GNG5: variants seen among roughly 807,000 people sequenced by gnomAD.
The protein encoded by GNG5 is G protein subunit gamma 5.
A neutral mutation model predicts 6.2 loss-of-function variants in GNG5; 2 were observed. The ratio of observed to expected loss-of-function variants is 0.32; its 90% confidence interval spans 0.13 to 1.01. The LOEUF is 1.01. Among genes scored for constraint, GNG5 ranks in the 50% least tolerant of loss-of-function variants. The pLI is 0.48. For missense variants in GNG5, 57 were observed against 80.2 expected (o/e 0.71, Z 1.10); for synonymous variants, 24 against 33.0 (o/e 0.73, Z 0.93).
intron 2 of GNG5, among the ~76,000 whole-genome samples, chr1:84,504,240 TA>T (rs1438144609): frequency 1.3e-5 from 2 of 152,220 alleles, no homozygotes; most frequent in Non-Finnish European, 2.9e-5. Flanking sequence ...TACACAACGT[TA>T]AACCACATTT....
At position 84,501,947 on chromosome 1, in the gene GNG5, C is replaced by G; in HGVS notation, c.105G>C (p.Leu35Phe). Residue 35 changes from leucine (L) to phenylalanine (F), a missense_variant, in exon 3 of 4, where the codon TTG (leucine) becomes TTC (phenylalanine). By Grantham distance (22) the Leu-to-Phe change is conservative. Transcript: ENST00000370645. The part of the protein sequence containing the change: ...RVKVSQAAAD[L>F]KQFCLQNAQH... ...GAGCATTCTGCAGACAGAACTGTTTCAAGTCTGCAGCTGCCTGGGAAACCT... is the reference window on the plus strand; with the variant it reads ...GAGCATTCTGCAGACAGAACTGTTTGAAGTCTGCAGCTGCCTGGGAAACCT... 1.2e-6 allele frequency: 2 copies of G among 1,611,168 alleles called. No individual in the cohort carries two copies. Among genetic ancestry groups the G allele is most frequent in the Non-Finnish European group, 1.7e-6 (2 of 1,177,412 alleles).
intron 2 of GNG5, among the ~76,000 whole-genome samples, chr1:84,504,355 C>CT (rs147628916): frequency 0.037 from 5,578 of 152,246 alleles, 352 homozygotes; most frequent in African/African-American, 0.13. Flanking sequence ...CAAATCATGT[C>CT]TGGTGCCTTT....
chr1:84,501,739 T>C (rs890102784), intron 3 of GNG5, 87 bp downstream of exon 3: 1 of 799,680 alleles, frequency 1.3e-6, no homozygotes, highest in South Asian at 1.6e-5. Flanking sequence ...GGAAAGGGCA[T>C]GGGATGATCT....
At chr1:84,505,473 TAA>T (rs1682165748) in intron 2 of GNG5, among the ~76,000 whole-genome samples, 1 of 152,178 alleles carries the variant, frequency 6.6e-6, no homozygotes, top group African/African-American at 2.4e-5. Flanking sequence ...ATCCACAGTT[TAA>T]GTTATGCAAT....
At chr1:84,501,758 C>A (rs1682061256) in intron 3 of GNG5, 68 bp downstream of exon 3, 1 of 952,422 alleles carries the variant, frequency 1.0e-6, no homozygotes, top group African/African-American at 1.6e-5. Context: ...CTTTTAAGTG[C>A]TGCAAAGAAA....
At chr1:84,500,924 ATTAGTT>A (rs1682045516) in intron 3 of GNG5, among the ~76,000 whole-genome samples, 1 of 152,198 alleles carries the variant, frequency 6.6e-6, no homozygotes, top group Non-Finnish European at 1.5e-5. Context: ...AAAAAGTACT[ATTAGTT>A]TAAGTTTGCT....
chr1:84,501,630 A>G (rs1682059271), intron 3 of GNG5, among the ~76,000 whole-genome samples, 196 bp downstream of exon 3: 1 of 152,214 alleles, frequency 6.6e-6, no homozygotes, highest in African/African-American at 2.4e-5. Flanking sequence ...CTTTATGGTA[A>G]AATAGAAACG....
intron 3 of GNG5, among the ~76,000 whole-genome samples, chr1:84,499,308 A>T (rs1266187608): frequency 6.6e-6 from 1 of 152,226 alleles, no homozygotes; most frequent in Non-Finnish European, 1.5e-5. Context: ...AAAAATGTTT[A>T]ATCTCACCTA....
intron 3 of GNG5, among the ~76,000 whole-genome samples, chr1:84,500,679 G>A (rs1233523631): frequency 6.6e-6 from 1 of 152,064 alleles, no homozygotes. Context: ...CATGACACCT[G>A]TTTTCAAAGG....
Position 84,506,207 on chromosome 1 carries a change from G to C in GNG5, c.-116C>G, listed in dbSNP as rs946683413. ...GCGGGGCTCCGAACTTTGTCTCTAA[G>C]TTTCCGGTTCTGTGCTCAGCGGCTC... On this transcript the variant is annotated 5_prime_UTR_variant, in exon 2 of 4. Coordinates refer to ENST00000370645, the MANE Select transcript of GNG5 (RefSeq NM_005274.3). 1.3e-6 allele frequency: 1 copy of C among 770,086 alleles called. No individual in the cohort carries two copies. The highest frequency in any genetic ancestry group is 1.8e-5 in the African/African-American group (1 of 54,484). The allele number at this position is 770,086 out of a possible 1,614,324, so 47.7% of individuals were successfully genotyped here. A position where few individuals can be genotyped will look rare whatever the true frequency, so the allele number is the denominator to read the frequency against.
At chr1:84,502,107 G>A (rs1682068739) in intron 2 of GNG5, 137 bp from the exon 3 acceptor site, 1 of 426,468 alleles carries the variant, frequency 2.3e-6, no homozygotes, top group South Asian at 3.7e-5. Context: ...TATAATAATT[G>A]AAGACTTAAG....
At chr1:84,503,304 C>T (rs192694337) in intron 2 of GNG5, among the ~76,000 whole-genome samples, 32 of 152,256 alleles carry the variant, frequency 2.1e-4, no homozygotes, top group African/African-American at 7.7e-4. Context: ...GATATGTGGC[C>T]TCAGGGAATT....
chr1:84,503,722 C>T (rs1682101722), intron 2 of GNG5: 1 of 152,194 alleles, frequency 6.6e-6, no homozygotes, highest in African/African-American at 2.4e-5. Flanking sequence ...CACTATGTGC[C>T]GCATATACTT....
chr1:84,503,484 A>G (rs912593875), intron 2 of GNG5, among the ~76,000 whole-genome samples: 1 of 152,238 alleles, frequency 6.6e-6, no homozygotes, highest in African/African-American at 2.4e-5. Flanking sequence ...ATTAGCTCCT[A>G]TGTAAAAGAA....
intron 3 of GNG5, among the ~76,000 whole-genome samples, chr1:84,501,444 G>A (rs915102248): frequency 6.6e-6 from 1 of 152,026 alleles, no homozygotes; most frequent in East Asian, 1.9e-4. Context: ...CATAAACATT[G>A]CAGATTTTTT....
intron 3 of GNG5, among the ~76,000 whole-genome samples, chr1:84,499,889 G>A (rs1280970703): frequency 2.0e-5 from 3 of 152,180 alleles, no homozygotes; most frequent in Non-Finnish European, 4.4e-5. Flanking sequence ...GCTGAGGTGG[G>A]CAGATCACCT....
intron 3 of GNG5, among the ~76,000 whole-genome samples, chr1:84,500,029 T>G (rs563806614): frequency 6.6e-6 from 1 of 152,240 alleles, no homozygotes; most frequent in Admixed American, 6.5e-5. Flanking sequence ...GAGGCAGAGG[T>G]TGCAGTGAGC....
chr1:84,504,533 T>A (rs978721925), intron 2 of GNG5, among the ~76,000 whole-genome samples: 1 of 152,218 alleles, frequency 6.6e-6, no homozygotes, highest in African/African-American at 2.4e-5. Flanking sequence ...TTTATTGCTT[T>A]CACTATCCCA....
intron 2 of GNG5, among the ~76,000 whole-genome samples, chr1:84,502,826 C>T (rs1387100790): frequency 1.3e-5 from 2 of 152,258 alleles, no homozygotes; most frequent in East Asian, 3.9e-4. Flanking sequence ...CTTATACTGT[C>T]TTGCATTTAA....
Sources: gnomAD v4.1 joint callset for allele counts (sites outside exome capture counted in the v4.1 genomes callset) on GRCh38, gnomAD v4.1.1 for gene constraint, MANE v1.5 for transcripts, NCBI Gene and HGNC (gene_info 2026-07-23, HGNC 2026-07-21) for gene names.